Variants in TDRD12 observed in about 807,000 individuals in gnomAD.
TDRD12 encodes putative ATP-dependent RNA helicase TDRD12.
Under a neutral mutation model 133.5 loss-of-function variants are expected in TDRD12, and 158 were observed. That is an observed-to-expected ratio of 1.18 (90% CI 1.04 to 1.35). The LOEUF is 1.35. Ranked by LOEUF, TDRD12 falls within the 40% of genes most tolerant of loss-of-function variation. The pLI, the probability that TDRD12 is intolerant of heterozygous loss-of-function variation, is 0.00. For synonymous variants in TDRD12, 460 were observed against 477.9 expected (o/e 0.96, Z 0.49); for missense variants, 1,443 against 1,321.3 (o/e 1.09, Z -1.43).
At chr19:32,790,988 C>T (rs1204478099) in exon 13 of TDRD12, 1 of 1,535,994 alleles carries the variant, frequency 6.5e-7, no homozygotes, top group South Asian at 1.2e-5. Flanking sequence ...GGGCCTGCAG[C>T]CGCCCGTGGT....
At chr19:32,829,161 G>T (rs1349731543) in exon 10 of TDRD12, 1 of 152,280 alleles carries the variant, frequency 6.6e-6, no homozygotes, top group African/African-American at 2.4e-5. Flanking sequence ...GCAGAGACCA[G>T]GCCGCCGTCC....
chr19:32,720,114 A>G lies in TDRD12; in HGVS notation c.24+18A>G. On this transcript the variant is annotated intron_variant, in intron 1 of 27. Coordinates refer to ENST00000444215, the Ensembl canonical transcript of TDRD12. ...TGCTGAAGGTGAGCGCCGCCAAGCC[A>G]GACCCACGCCAGACCCACGCAGTCC... The G allele has an allele frequency of 6.5e-7, 1 of 1,545,526 alleles. No individual in the cohort carries two copies. Among genetic ancestry groups the G allele is most frequent in the Non-Finnish European group, 8.7e-7 (1 of 1,144,888 alleles).
intron 8 of TDRD12, among the ~76,000 whole-genome samples, chr19:32,769,219 TTCTC>T (rs144024330): frequency 0.1 from 15,773 of 152,222 alleles, 1,007 homozygotes; most frequent in Middle Eastern, 0.17. Flanking sequence ...AATCTTTGCT[TTCTC>T]TATATTTTCT....
exon 13 of TDRD12, chr19:32,791,015 A>C: frequency 1.3e-6 from 2 of 1,536,200 alleles, no homozygotes; most frequent in Non-Finnish European, 1.7e-6. Context: ...CCGGAACAAG[A>C]TCAAGCCCTG....
At chr19:32,788,230 C>T (rs758088735) in intron 11 of TDRD12, among the ~76,000 whole-genome samples, 1 of 151,222 alleles carries the variant, frequency 6.6e-6, no homozygotes, top group Non-Finnish European at 1.5e-5. Flanking sequence ...TCAAGTGATT[C>T]TCCTGCCTCA....
chr19:32,727,891 C>T (rs182682733), intron 1 of TDRD12, among the ~76,000 whole-genome samples: 1 of 152,306 alleles, frequency 6.6e-6, no homozygotes, highest in East Asian at 1.9e-4. Context: ...TTGTGTCGAA[C>T]TCCTGACCTC....
intron 21 of TDRD12, among the ~76,000 whole-genome samples, chr19:32,807,294 A>AAAAG (rs1971581447): frequency 1.4e-5 from 2 of 145,402 alleles, no homozygotes; most frequent in African/African-American, 5.1e-5. Context: ...AAAAAAAAAA[A>AAAAG]AAGAAAGTTT....
At chr19:32,734,268 T>A (rs12151325) in intron 2 of TDRD12, among the ~76,000 whole-genome samples, 3 of 151,972 alleles carry the variant, frequency 2.0e-5, no homozygotes, top group Admixed American at 1.3e-4. Context: ...AAAGAGAAAT[T>A]GTGTGGATCA....
At chr19:32,768,229 G>A (rs1248176694) in intron 8 of TDRD12, among the ~76,000 whole-genome samples, 1 of 151,982 alleles carries the variant, frequency 6.6e-6, no homozygotes, top group Non-Finnish European at 1.5e-5. Context: ...GATATTCCAG[G>A]ATAACTAACA....
At chr19:32,826,162 G>A (rs1568503012), downstream of TDRD12, 3 of 1,535,684 alleles carry the variant, frequency 2.0e-6, no homozygotes, top group Non-Finnish European at 1.7e-6. Context: ...CTCTGAAAAG[G>A]TACGTCCACT....
intron 2 of TDRD12, among the ~76,000 whole-genome samples, chr19:32,737,132 A>T (rs532936441): frequency 1.3e-5 from 2 of 152,284 alleles, no homozygotes; most frequent in East Asian, 3.9e-4. Context: ...GTTTCACACC[A>T]TCATAATGTT....
exon 10 of TDRD12, chr19:32,827,167 T>C: frequency 8.2e-7 from 1 of 1,225,982 alleles, no homozygotes; most frequent in African/African-American, 1.6e-5. Context: ...CCTTTAGTAG[T>C]GAATTCTAAA....
chr19:32,761,630 A>G (rs922138726), intron 8 of TDRD12, among the ~76,000 whole-genome samples: 1 of 152,300 alleles, frequency 6.6e-6, no homozygotes, highest in African/African-American at 2.4e-5. Context: ...ATCTTTTCAT[A>G]TGCTTATTTG....
At chr19:32,815,534 T>C in exon 26 of TDRD12, 1 of 1,536,352 alleles carries the variant, frequency 6.5e-7, no homozygotes, top group Non-Finnish European at 8.7e-7. Flanking sequence ...GCATGGGCAT[T>C]GATAATCCAG....
chr19:32,796,380 A>ATC (rs1177071624), intron 14 of TDRD12, among the ~76,000 whole-genome samples: 1 of 152,070 alleles, frequency 6.6e-6, no homozygotes, highest in East Asian at 1.9e-4. Flanking sequence ...CGAGATCGAG[A>ATC]TCGAGACTAT....
At chr19:32,806,228 G>A (rs538780933) in intron 21 of TDRD12, among the ~76,000 whole-genome samples, 73 of 152,246 alleles carry the variant, frequency 4.8e-4, no homozygotes, top group Admixed American at 7.8e-4. Flanking sequence ...TGCCTGATAC[G>A]TAGCTGCTGG....
At chr19:32,807,726 C>A in intron 22 of TDRD12, 78 bp downstream of exon 22, 4 of 1,044,936 alleles carry the variant, frequency 3.8e-6, no homozygotes, top group Non-Finnish European at 5.5e-6. Context: ...TAAGCAGGAT[C>A]TTAGTAGATG....
chr19:32,746,937 T>TGA (rs35506918), intron 4 of TDRD12, among the ~76,000 whole-genome samples: 70,828 of 125,736 alleles, frequency 0.56, 21,344 homozygotes, highest in East Asian at 0.82. Context: ...GGCTATTCTG[T>TGA]GAGAGAGAGA....
At chr19:32,798,478 G>T in intron 16 of TDRD12, 43 bp downstream of exon 16, 1 of 1,470,704 alleles carries the variant, frequency 6.8e-7, no homozygotes, top group South Asian at 1.3e-5. Flanking sequence ...AGAGAGGCGT[G>T]ATTAACATGC....
Sources: gnomAD v4.1 joint callset for allele counts (sites outside exome capture counted in the v4.1 genomes callset) on GRCh38, gnomAD v4.1.1 for gene constraint, MANE v1.5 for transcripts, NCBI Gene and HGNC (gene_info 2026-07-23, HGNC 2026-07-21) for gene names.